The following RFC3 variants were observed in gnomAD, a reference collection of about 807,000 sequenced individuals.
RFC3 encodes replication factor C subunit 3.
Under a neutral mutation model 45.1 loss-of-function variants are expected in RFC3, and 41 were observed. The ratio of observed to expected loss-of-function variants is 0.91; its 90% CI spans 0.71 to 1.18. The LOEUF (loss-of-function observed/expected upper bound fraction) is 1.18, where lower values mean the gene tolerates loss of function less well. Ranked by LOEUF, RFC3 falls within the 50% of genes most tolerant of loss-of-function variation. The pLI is 0.00. For missense variants in RFC3, 423 were observed against 428.1 expected (o/e 0.99, Z 0.10); for synonymous variants, 149 against 144.0 (o/e 1.03, Z -0.25).
chr13:33,952,845 A>G (rs2082998898), intron 8 of RFC3, among the ~76,000 whole-genome samples: 1 of 152,096 alleles, frequency 6.6e-6, no homozygotes, highest in South Asian at 2.1e-4. Flanking sequence ...TTTTTTTCCT[A>G]TCACAATTTA....
chr13:33,940,527 T>G (rs918558180), intron 8 of RFC3, among the ~76,000 whole-genome samples: 1 of 152,250 alleles, frequency 6.6e-6, no homozygotes, highest in African/African-American at 2.4e-5. Context: ...TAGTAGTCTG[T>G]ATATACCAAG....
chr13:33,856,475 C>G (rs566570889), intron 8 of RFC3, among the ~76,000 whole-genome samples: 1 of 152,198 alleles, frequency 6.6e-6, no homozygotes, highest in East Asian at 1.9e-4. Context: ...ACATGTATAC[C>G]TGAACTTAAA....
intron 8 of RFC3, among the ~76,000 whole-genome samples, chr13:33,935,472 A>G (rs904776979): frequency 6.6e-6 from 1 of 152,142 alleles, no homozygotes; most frequent in African/African-American, 2.4e-5. Context: ...TGTGAGTACA[A>G]GTGTTGGGCA....
chr13:33,827,964 A>G (rs2082065996), intron 4 of RFC3, among the ~76,000 whole-genome samples: 1 of 152,008 alleles, frequency 6.6e-6, no homozygotes, highest in African/African-American at 2.4e-5. Context: ...AGGCCAGGAA[A>G]TTGAGACCAA....
At chr13:33,960,509 C>T (rs1028782810) in intron 8 of RFC3, among the ~76,000 whole-genome samples, 4 of 152,232 alleles carry the variant, frequency 2.6e-5, no homozygotes, top group Admixed American at 1.3e-4. Flanking sequence ...CCAGTGTTAA[C>T]CTACCTTCCT....
intron 8 of RFC3, among the ~76,000 whole-genome samples, chr13:33,930,263 A>T (rs948081560): frequency 2.0e-5 from 3 of 152,090 alleles, no homozygotes; most frequent in African/African-American, 7.2e-5. Flanking sequence ...AGGAGCAAGG[A>T]AGCCAGTTGA....
At chr13:33,854,206 GCTTGTTGATTTCTTC>G (rs2082294911) in intron 8 of RFC3, among the ~76,000 whole-genome samples, 4 of 152,272 alleles carry the variant, frequency 2.6e-5, no homozygotes, top group Non-Finnish European at 4.4e-5. Flanking sequence ...TGAACAGAGA[GCTTGTTGATTTCTTC>G]TCTCTTACTA....
chr13:33,913,284 G>C (rs2082713836), intron 8 of RFC3, among the ~76,000 whole-genome samples: 1 of 152,090 alleles, frequency 6.6e-6, no homozygotes, highest in Non-Finnish European at 1.5e-5. Flanking sequence ...TGAGCTCAGA[G>C]TGCCTAGCCA....
At position 33,830,804 on chromosome 13, in the gene RFC3, G is replaced by T; in HGVS notation, c.659G>T (p.Cys220Phe). Residue 220 changes from cysteine (C) to phenylalanine (F), a missense_variant, in exon 6 of 9, where the codon TGT becomes TTT. Transcript: ENST00000380071. ...GCTCATAGACTTGCAGAGAAGTCTT[G>T]TAGAAATCTCAGAAAAGCCCTGCTT... ...QLAHRLAEKSCRNLRKALLMC... is the reference protein window; with the variant it reads ...QLAHRLAEKSFRNLRKALLMC... 3 of 1,613,422 alleles carry T rather than the reference G, an allele frequency of 1.9e-6. No homozygotes were observed. Among genetic ancestry groups the T allele is most frequent in the Non-Finnish European group, 2.5e-6 (3 of 1,179,472 alleles).
chr13:33,911,210 A>T (rs939277064), intron 8 of RFC3, among the ~76,000 whole-genome samples: 1 of 152,076 alleles, frequency 6.6e-6, no homozygotes, highest in Non-Finnish European at 1.5e-5. Context: ...CCTCTGTTGA[A>T]CTGAATAGAC....
At chr13:33,912,893 T>C (rs908126191) in intron 8 of RFC3, among the ~76,000 whole-genome samples, 1 of 151,948 alleles carries the variant, frequency 6.6e-6, no homozygotes, top group Non-Finnish European at 1.5e-5. Context: ...GAGTGGTAAT[T>C]AGCTTAATAA....
chr13:33,900,960 T>G (rs1336133663), intron 8 of RFC3, among the ~76,000 whole-genome samples: 1 of 151,794 alleles, frequency 6.6e-6, no homozygotes, highest in Non-Finnish European at 1.5e-5. Context: ...ACATCACTAA[T>G]CATCGAAGAA....
In RFC3 at chr13:33,830,776, C is replaced by G. The variant is rs150449232; in HGVS notation, c.631C>G (p.Leu211Val). The change falls in exon 6 of 9, where the codon CTG becomes GTG. Residue 211 changes from leucine to valine, a missense_variant. Leu to Val is a conservative substitution (Grantham distance 32). Transcript: ENST00000380071. The stretch of plus-strand genomic sequence containing the variant: ...GGAAGGTCTGAATCTTCCTTCACAA[C>G]TGGCTCATAGACTTGCAGAGAAGTC... ...KKEGLNLPSQ[L>V]AHRLAEKSCR... 2.9e-5 allele frequency: 46 copies of G among 1,613,266 alleles called. No homozygotes were observed. In the African/African-American group the frequency reaches 4.9e-4, roughly 17 times the overall value.
chr13:33,930,576 G>A (rs1284698792), intron 8 of RFC3, among the ~76,000 whole-genome samples: 1 of 152,090 alleles, frequency 6.6e-6, no homozygotes, highest in Non-Finnish European at 1.5e-5. Context: ...TGACTCAAAT[G>A]TTAATCTCCT....
At chr13:33,916,212 A>G (rs2082732464) in intron 8 of RFC3, among the ~76,000 whole-genome samples, 2 of 152,200 alleles carry the variant, frequency 1.3e-5, no homozygotes, top group Admixed American at 6.5e-5. Context: ...TGCATGTTGT[A>G]TAGTGCACAT....
chr13:33,876,155 T>C (rs958087662), intron 8 of RFC3, among the ~76,000 whole-genome samples: 4 of 152,140 alleles, frequency 2.6e-5, no homozygotes, highest in Non-Finnish European at 1.5e-5. Flanking sequence ...CCACCATGCC[T>C]GGAGTAAAGG....
chr13:33,841,780 G>C (rs1052396567), downstream of RFC3, among the ~76,000 whole-genome samples: 9 of 152,100 alleles, frequency 5.9e-5, no homozygotes, highest in Admixed American at 5.9e-4. Flanking sequence ...GAGTAGGCCT[G>C]GCGTAGTCTT....
intron 8 of RFC3, among the ~76,000 whole-genome samples, chr13:33,872,763 A>C (rs931098568): frequency 2.0e-5 from 3 of 148,996 alleles, no homozygotes; most frequent in Non-Finnish European, 4.4e-5. Flanking sequence ...AATGAAAAAC[A>C]AAACAGAACA....
intron 8 of RFC3, among the ~76,000 whole-genome samples, chr13:33,865,245 A>G (rs1478410997): frequency 6.6e-6 from 1 of 152,184 alleles, no homozygotes; most frequent in African/African-American, 2.4e-5. Context: ...AAATATGAAA[A>G]AAAATATTTC....
Sources: gnomAD v4.1 joint callset for allele counts (sites outside exome capture counted in the v4.1 genomes callset) on GRCh38, gnomAD v4.1.1 for gene constraint, MANE v1.5 for transcripts, NCBI Gene and HGNC (gene_info 2026-07-23, HGNC 2026-07-21) for gene names.